NDFIP2: variants seen among roughly 807,000 people sequenced by gnomAD.
NDFIP2 encodes the protein Nedd4 family interacting protein 2, also known as NEDD4 family-interacting protein 2.
In NDFIP2, 19 loss-of-function variants were observed where a neutral mutation model predicts 36.0. The ratio of observed to expected loss-of-function variants is 0.53; its 90% CI spans 0.37 to 0.77. The LOEUF is 0.77. Ranked by LOEUF, NDFIP2 falls within the 30% of genes least tolerant of loss-of-function variation. The pLI is 0.00. For synonymous variants in NDFIP2, 181 were observed against 167.7 expected (o/e 1.08, Z -0.61); for missense variants, 446 against 435.8 (o/e 1.02, Z -0.21).
intron 1 of NDFIP2, among the ~76,000 whole-genome samples, chr13:79,498,409 C>G (rs940849038): frequency 6.6e-5 from 10 of 151,834 alleles, no homozygotes; most frequent in Admixed American, 3.9e-4. Flanking sequence ...GAAATATGAA[C>G]TTTTCAAAAC....
chr13:79,481,336 G>A lies in NDFIP2; in HGVS notation c.133G>A (p.Gly45Arg), dbSNP rs1265537473. 2 of 1,547,704 alleles carry A rather than the reference G, an allele frequency of 1.3e-6. No individual in the cohort carries two copies. The highest frequency in any genetic ancestry group is 1.7e-6 in the Non-Finnish European group (2 of 1,147,320). Residue 45 changes from glycine to arginine, a missense_variant, in exon 1 of 8, where the codon GGA becomes AGA. By Grantham distance (125) the Gly-to-Arg change is moderately radical. Transcript: ENST00000218652. ...CTCGGCGGCCGCTGCGGGAGCCACA[G>A]GAAGTGAAGAGCTTCCGCCGGGAGA... ...EVSAAAAGAT[G>R]SEELPPGDRG...
rs1875962380 is a variant in NDFIP2 at position 79,552,963 on chromosome 13, T to C, written c.*450T>C. ...TCTGGCTCTTAGACTCATCTGGCAG[T>C]TCTACACATGAAACATCTTTTGTTA... On this transcript the variant is annotated 3_prime_UTR_variant, in exon 8 of 8. Transcript: ENST00000218652. The C allele has an allele frequency of 6.6e-6, 1 of 151,588 alleles. No homozygotes were observed. Among genetic ancestry groups the C allele is most frequent in the South Asian group, 2.1e-4 (1 of 4,804 alleles). The allele number at this position is 151,588 out of a possible 1,614,324, so 9.4% of individuals were successfully genotyped here.
chr13:79,504,124 G>A (rs1873771237), intron 1 of NDFIP2, among the ~76,000 whole-genome samples: 1 of 152,092 alleles, frequency 6.6e-6, no homozygotes, highest in Non-Finnish European at 1.5e-5. Context: ...AAAATTTTTA[G>A]ATACTGAATT....
rs569932554 is a variant in NDFIP2 at position 79,525,858 on chromosome 13, A to G, written c.487+4883A>G. On this transcript the variant is annotated intron_variant, in intron 2 of 7. Coordinates refer to ENST00000218652, the MANE Select transcript of NDFIP2 (RefSeq NM_019080.3). Reference sequence around the variant, plus strand: ...CGTGCATAAGGCAGAACTATTGTATATGGTTTTTCTCTTTTAATTTTTGAT... The same window carrying G: ...CGTGCATAAGGCAGAACTATTGTATGTGGTTTTTCTCTTTTAATTTTTGAT... Among the ~76,000 whole-genome samples, 9 of 152,348 alleles carry G rather than the reference A, an allele frequency of 5.9e-5. 1 individual carries two copies. In the South Asian group the frequency reaches 1.7e-3, roughly 28 times the overall value.
rs1281561422 is a variant in NDFIP2 at position 79,500,027 on chromosome 13, AT to A, written c.321+18505del. On this transcript the variant is annotated intron_variant, in intron 1 of 7. Transcript: ENST00000218652. ...TGTTTGTGAAAAAACAGACAAATAG[AT>A]TAGTGGAAGAGAATAGAGAACTCAG... Among the ~76,000 whole-genome samples, 3 of 151,942 alleles carry A rather than the reference AT, an allele frequency of 2.0e-5. No individual in the cohort carries two copies. In the East Asian group the frequency reaches 5.8e-4, roughly 29 times the overall value.
At chr13:79,521,346 A>G (rs1874574542) in intron 2 of NDFIP2, among the ~76,000 whole-genome samples, 1 of 152,146 alleles carries the variant, frequency 6.6e-6, no homozygotes, top group African/African-American at 2.4e-5. Flanking sequence ...CTAAAGAACT[A>G]ATCTATTTTT....
At position 79,553,703 on chromosome 13, in the gene NDFIP2, G is replaced by T. The variant is rs41288272; in HGVS notation, c.*1190G>T. Reference sequence around the variant, plus strand: ...AAATGTGTTTGTGGCATATAGGACTGTGGGGTCTGTGTGTGTAGTGAGAGT... The same window carrying T: ...AAATGTGTTTGTGGCATATAGGACTTTGGGGTCTGTGTGTGTAGTGAGAGT... On this transcript the variant is annotated 3_prime_UTR_variant, in exon 8 of 8. Transcript: ENST00000218652. The T allele has an allele frequency of 5.8e-4, 88 of 152,096 alleles. No homozygotes were observed. Among genetic ancestry groups the T allele is most frequent in the Non-Finnish European group, 9.2e-4 (62 of 67,550 alleles). 9.4% of individuals were successfully genotyped at this position (152,096 alleles called of 1,614,324 possible). A position where few individuals can be genotyped will look rare whatever the true frequency, so the allele number is the denominator to read the frequency against.
intron 1 of NDFIP2, among the ~76,000 whole-genome samples, chr13:79,500,430 T>C (rs1298275515): frequency 6.6e-6 from 1 of 151,680 alleles, no homozygotes; most frequent in African/African-American, 2.4e-5. Flanking sequence ...TGGGAGAAAA[T>C]CTTTGCAAAA....
intron 1 of NDFIP2, among the ~76,000 whole-genome samples, chr13:79,486,732 G>A (rs1312287385): frequency 6.6e-6 from 1 of 152,128 alleles, no homozygotes; most frequent in Non-Finnish European, 1.5e-5. Flanking sequence ...GTAGGGTTGA[G>A]GACATTCATG....
At chr13:79,533,990 A>T (rs1044023441) in intron 3 of NDFIP2, among the ~76,000 whole-genome samples, 1 of 152,028 alleles carries the variant, frequency 6.6e-6, no homozygotes, top group African/African-American at 2.4e-5. Flanking sequence ...CACCTTCTTT[A>T]TCCCTTGACT....
At chr13:79,532,033 TATCA>T (rs1353837422) in intron 2 of NDFIP2, among the ~76,000 whole-genome samples, 3 of 152,234 alleles carry the variant, frequency 2.0e-5, no homozygotes, top group Non-Finnish European at 4.4e-5. Context: ...GTACAGTGTT[TATCA>T]ATTAGGTTTC....
intron 1 of NDFIP2, among the ~76,000 whole-genome samples, chr13:79,510,194 A>C (rs577987915): frequency 6.6e-6 from 1 of 152,028 alleles, no homozygotes; most frequent in Admixed American, 6.6e-5. Context: ...GTTTTTTAAG[A>C]GTGTACTTTT....
chr13:79,505,601 C>G (rs2140749089), intron 1 of NDFIP2, among the ~76,000 whole-genome samples: 1 of 151,522 alleles, frequency 6.6e-6, no homozygotes, highest in Admixed American at 6.6e-5. Flanking sequence ...TGCACTCCAG[C>G]CTGGGCAACA....
intron 1 of NDFIP2, among the ~76,000 whole-genome samples, chr13:79,513,802 T>G (rs74100706): frequency 1.3e-5 from 2 of 152,140 alleles, no homozygotes; most frequent in African/African-American, 4.8e-5. Flanking sequence ...AAGTCATAAT[T>G]GTAGGACAGA....
At chr13:79,482,832 C>T (rs151083977) in intron 1 of NDFIP2, among the ~76,000 whole-genome samples, 57 of 152,294 alleles carry the variant, frequency 3.7e-4, no homozygotes, top group African/African-American at 1.3e-3. Flanking sequence ...CTTTTCTCAA[C>T]AACTTGGGAA....
At chr13:79,509,632 T>C (rs980417725) in intron 1 of NDFIP2, among the ~76,000 whole-genome samples, 7 of 151,948 alleles carry the variant, frequency 4.6e-5, no homozygotes, top group Non-Finnish European at 1.0e-4. Flanking sequence ...AGGAGTTGTA[T>C]TGGCGTTCTC....
intron 7 of NDFIP2, 124 bp downstream of exon 7, chr13:79,551,246 ACTG>A (rs1266552817): frequency 4.6e-5 from 21 of 461,400 alleles, no homozygotes; most frequent in Non-Finnish European, 7.4e-5. Flanking sequence ...ATTTTTTAAT[ACTG>A]CTAACAGTCA....
intron 1 of NDFIP2, 61 bp from the exon 2 acceptor site, chr13:79,520,749 C>T (rs1358890710): frequency 1.4e-6 from 2 of 1,449,076 alleles, no homozygotes; most frequent in Non-Finnish European, 9.3e-7. Flanking sequence ...ATAAAATCAG[C>T]TTAAAATTTA....
rs757025554 is a variant in NDFIP2, at chr13:79,481,294, G to C, written c.91G>C (p.Ala31Pro). 1.3e-6 allele frequency: 2 copies of C among 1,539,898 alleles called. No homozygotes were observed. The highest frequency in any genetic ancestry group is 1.2e-5 in the South Asian group (1 of 83,992). ...CGCCCCGGAGCTTCTCCGCGGAACC[G>C]CGACCAACGCGGAGGTCTCGGCGGC... ...RGAPELLRGT[A>P]TNAEVSAAAA... Residue 31 changes from alanine (A) to proline (P), a missense_variant, in exon 1 of 8, where the codon GCG becomes CCG. Physicochemically the swap from Ala to Pro is conservative, Grantham distance 27 (BLOSUM62 -1). Around this residue, in one of 2 missense-constraint regions of NDFIP2, gnomAD observed 369 missense variants for 304.8 expected, o/e 1.21. Coordinates refer to ENST00000218652, the MANE Select transcript of NDFIP2 (RefSeq NM_019080.3).
Sources: gnomAD v4.1 joint callset for allele counts (sites outside exome capture counted in the v4.1 genomes callset) on GRCh38, gnomAD v4.1.1 for gene constraint, gnomAD v4.1.1 regional missense constraint, MANE v1.5 for transcripts, NCBI Gene and HGNC (gene_info 2026-07-23, HGNC 2026-07-21) for gene names.